CACHD1: variants seen among roughly 807,000 people sequenced by gnomAD.
CACHD1 encodes the protein VWFA and cache domain-containing protein 1.
Under a neutral mutation model 138.7 loss-of-function variants are expected in CACHD1, and 71 were observed. The observed-to-expected ratio is 0.51, with a 90% CI of 0.42 to 0.62. The LOEUF is 0.62. Among genes scored for constraint, CACHD1 ranks in the 20% least tolerant of loss-of-function variants. CACHD1 has a pLI of 0.00. For synonymous variants in CACHD1, 578 were observed against 591.5 expected, an observed-to-expected ratio of 0.98 and a Z score of 0.33; for missense variants, 1,389 against 1,625.3, an observed-to-expected ratio of 0.85 and a Z score of 2.50.
At chr1:64,680,908 C>T (rs963947861) in intron 24 of CACHD1, among the ~76,000 whole-genome samples, 5 of 152,192 alleles carry the variant, frequency 3.3e-5, no homozygotes, top group African/African-American at 1.2e-4. Context: ...CTTTTGGAGG[C>T]TTTTGTTGCA....
intron 2 of CACHD1, among the ~76,000 whole-genome samples, chr1:64,559,258 A>G (rs563755982): frequency 5.9e-5 from 9 of 152,370 alleles, no homozygotes; most frequent in Non-Finnish European, 8.8e-5. Context: ...ATGCCCATCA[A>G]TGACAAACTG....
At chr1:64,554,109 G>A (rs929221838) in intron 2 of CACHD1, among the ~76,000 whole-genome samples, 4 of 152,148 alleles carry the variant, frequency 2.6e-5, no homozygotes. Context: ...ATTGCCCATT[G>A]CAGCCTCAAA....
At position 64,553,275 on chromosome 1, in the gene CACHD1, T is replaced by C. The variant is rs193143618; in HGVS notation, c.261+2619T>C. On this transcript the variant is annotated intron_variant, in intron 2 of 26. Coordinates refer to ENST00000651257, the MANE Select transcript of CACHD1 (RefSeq NM_020925.4). ...TGGGTTGAATTGAACACGGGATTTC[T>C]CATTCTACAATGAGAACACAGACAC... Among the ~76,000 whole-genome samples, 185 of 152,374 alleles carry C rather than the reference T, an allele frequency of 1.2e-3. 1 individual carries two copies. Among genetic ancestry groups the C allele is most frequent in the African/African-American group, 4.3e-3 (180 of 41,594 alleles).
intron 6 of CACHD1, among the ~76,000 whole-genome samples, chr1:64,633,300 G>A (rs1023661290): frequency 3.9e-5 from 6 of 152,152 alleles, no homozygotes; most frequent in Non-Finnish European, 7.3e-5. Flanking sequence ...AAGACTTTGG[G>A]AAAAGAGTAT....
At position 64,673,358 on chromosome 1, in the gene CACHD1, T is replaced by G; in HGVS notation, c.2621T>G (p.Val874Gly). Residue 874 changes from valine (V) to glycine (G), a missense_variant, in exon 19 of 27, where the codon GTA (valine) becomes GGA (glycine). Transcript: ENST00000651257. ...QQHITHKEPLVANDILNHPNF... is the reference protein window; with the variant it reads ...QQHITHKEPLGANDILNHPNF... ...CTTTGGCCTTGGTAGGAGCCCCTGG[T>G]AGCAAATGATATCCTCAACCACCCC... is the stretch of plus-strand genomic sequence containing the variant. The G allele has an allele frequency of 6.2e-7, 1 of 1,614,082 alleles. No homozygotes were observed. The highest frequency in any genetic ancestry group is 8.5e-7 in the Non-Finnish European group (1 of 1,179,978).
chr1:64,528,025 G>C (rs1020173876), intron 1 of CACHD1, among the ~76,000 whole-genome samples: 1 of 152,188 alleles, frequency 6.6e-6, no homozygotes, highest in Non-Finnish European at 1.5e-5. Context: ...ATTCTGGAAA[G>C]GAGTGGGGGG....
At chr1:64,507,455 G>A (rs558169566) in intron 1 of CACHD1, among the ~76,000 whole-genome samples, 1 of 152,276 alleles carries the variant, frequency 6.6e-6, no homozygotes, top group South Asian at 2.1e-4. Flanking sequence ...TGAGATGAAA[G>A]GTGATGTTTT....
At chr1:64,626,189 T>C (rs937652229) in intron 4 of CACHD1, among the ~76,000 whole-genome samples, 32 of 152,358 alleles carry the variant, frequency 2.1e-4, no homozygotes, top group African/African-American at 7.5e-4. Flanking sequence ...TGCCTCATGC[T>C]TTGAAATTGT....
At chr1:64,586,513 T>A (rs967684383) in intron 3 of CACHD1, among the ~76,000 whole-genome samples, 1 of 152,150 alleles carries the variant, frequency 6.6e-6, no homozygotes, top group Non-Finnish European at 1.5e-5. Context: ...ACTTTTTTTT[T>A]AATACTAGGG....
intron 10 of CACHD1, 133 bp downstream of exon 10, chr1:64,652,443 A>G: frequency 5.3e-6 from 4 of 752,444 alleles, no homozygotes; most frequent in Non-Finnish European, 8.2e-6. Flanking sequence ...GCTCATTTGT[A>G]GTAGAACACC....
intron 2 of CACHD1, among the ~76,000 whole-genome samples, chr1:64,577,910 A>G (rs919431734): frequency 6.6e-6 from 1 of 152,136 alleles, no homozygotes; most frequent in African/African-American, 2.4e-5. Context: ...CACCCTAACC[A>G]GGAAGGCAAA....
chr1:64,538,575 A>AG (rs922089207), intron 1 of CACHD1, among the ~76,000 whole-genome samples: 1 of 152,214 alleles, frequency 6.6e-6, no homozygotes, highest in African/African-American at 2.4e-5. Context: ...AACTAAGCCT[A>AG]GGGAGGAGGC....
rs964758025 is a variant in CACHD1, at chr1:64,643,260, C to A, written c.1156+1291C>A. ...TTGCTCTCAGATTCTTATTCAGATC[C>A]TCTTAGGAGGGGTTCAGGAATCTAC... On this transcript the variant is annotated intron_variant, in intron 8 of 26. Coordinates refer to ENST00000651257, the MANE Select transcript of CACHD1 (RefSeq NM_020925.4). Among the ~76,000 whole-genome samples, 5 of 151,714 alleles carry A rather than the reference C, an allele frequency of 3.3e-5. No homozygotes were observed. The East Asian group carries it at 9.7e-4, about 29-fold the overall frequency.
chr1:64,541,332 G>A (rs951025362), intron 1 of CACHD1, among the ~76,000 whole-genome samples: 1 of 152,344 alleles, frequency 6.6e-6, no homozygotes, highest in South Asian at 2.1e-4. Flanking sequence ...AGACTGGAAG[G>A]AAATAAAGTA....
At chr1:64,628,890 T>C (rs1309827284) in intron 4 of CACHD1, among the ~76,000 whole-genome samples, 1 of 152,150 alleles carries the variant, frequency 6.6e-6, no homozygotes, top group African/African-American at 2.4e-5. Context: ...TTAAGTACCA[T>C]GTATGCTGTT....
intron 1 of CACHD1, among the ~76,000 whole-genome samples, chr1:64,548,256 A>C (rs1364413172): frequency 6.6e-6 from 1 of 152,226 alleles, no homozygotes; most frequent in Non-Finnish European, 1.5e-5. Context: ...CTCCTTCATC[A>C]GTCAACTCTG....
At chr1:64,481,144 C>G (rs892796824) in intron 1 of CACHD1, among the ~76,000 whole-genome samples, 9 of 152,064 alleles carry the variant, frequency 5.9e-5, no homozygotes, top group African/African-American at 2.2e-4. Flanking sequence ...CCATATTTCT[C>G]TGGATATAGT....
intron 5 of CACHD1, among the ~76,000 whole-genome samples, chr1:64,632,256 G>GAAA (rs55924104): frequency 0.021 from 2,720 of 129,546 alleles, 45 homozygotes; most frequent in East Asian, 0.034. Flanking sequence ...GCTTTTTTCT[G>GAAA]AAAAAAAAAA....
chr1:64,472,942 C>T (rs553199778), intron 1 of CACHD1, among the ~76,000 whole-genome samples: 29 of 151,738 alleles, frequency 1.9e-4, no homozygotes, highest in African/African-American at 7.0e-4. Flanking sequence ...CTCACCCAGT[C>T]CTTGACAAAA....
Sources: allele counts gnomAD v4.1 joint callset (sites outside exome capture counted in the v4.1 genomes callset), GRCh38; gene constraint gnomAD v4.1.1; transcripts MANE v1.5; gene names NCBI Gene and HGNC (gene_info 2026-07-23, HGNC 2026-07-21).